The following PIEZO1 variants were observed in gnomAD, a reference collection of about 807,000 sequenced individuals.
PIEZO1 encodes piezo type mechanosensitive ion channel component 1 (Er blood group), also known as piezo-type mechanosensitive ion channel component 1.
A neutral mutation model predicts 297.2 loss-of-function variants in PIEZO1; 296 were observed. The ratio of observed to expected loss-of-function variants is 1.00; its 90% CI spans 0.91 to 1.10. The LOEUF is 1.10. Ranked by LOEUF, PIEZO1 falls within the 50% of genes least tolerant of loss-of-function variation. The pLI is 0.00. For synonymous variants in PIEZO1, 2,427 were observed against 1,507.5 expected (o/e 1.61, Z -14.13); for missense variants, 5,018 against 3,455.5 (o/e 1.45, Z -11.34).
At chr16:88,774,771 C>T (rs546975013) in intron 1 of PIEZO1, among the ~76,000 whole-genome samples, 3 of 152,286 alleles carry the variant, frequency 2.0e-5, no homozygotes, top group Non-Finnish European at 2.9e-5. Context: ...TGCAGGATTC[C>T]GCAAAAACAG....
Position 88,743,755 on chromosome 16 carries a change from G to A in PIEZO1, c.161-1333C>T, listed in dbSNP as rs572798497. The A allele has an allele frequency of 2.9e-5, 12 of 413,242 alleles. No individual in the cohort carries two copies. In the East Asian group the frequency reaches 3.6e-4, roughly 12 times the overall value. 25.6% of individuals were successfully genotyped at this position (413,242 alleles called of 1,614,324 possible). A position where few individuals can be genotyped will look rare whatever the true frequency, so the allele number is the denominator to read the frequency against. On this transcript the variant is annotated intron_variant, in intron 2 of 50. Coordinates refer to ENST00000301015, the MANE Select transcript of PIEZO1 (RefSeq NM_001142864.4). ...CACGGATGCCCAGGACTCCCTGTCC[G>A]CACCACCAGGCAGCCGAGGCAGGTT...
At chr16:88,724,078 A>C (rs1465856030) in intron 30 of PIEZO1, 107 bp from the exon 31 acceptor site, 14 of 686,312 alleles carry the variant, frequency 2.0e-5, no homozygotes, top group Non-Finnish European at 3.6e-5. Flanking sequence ...TCCCATGCGG[A>C]GTAGCCGGGA....
rs1904304494 is a variant in PIEZO1 at position 88,723,921 on chromosome 16, C to T, written c.4285G>A (p.Glu1429Lys). 1 of 1,549,890 alleles carries T rather than the reference C, an allele frequency of 6.5e-7. No homozygotes were observed. Among genetic ancestry groups the T allele is most frequent in the Non-Finnish European group, 8.7e-7 (1 of 1,146,440 alleles). ...CTCGGGTCTTCAGGAACAGCCTCCT[C>T]CTCTTCCTCACTGTCGGACTCAAAC... Reference protein sequence around the residue: ...FLFESDSEEEEEAVPEDPRPS... With the variant: ...FLFESDSEEEKEAVPEDPRPS... Residue 1429 changes from glutamate (E) to lysine (K), a missense_variant, in exon 31 of 51, where the codon GAG becomes AAG. By Grantham distance (56) the Glu-to-Lys change is moderately conservative. Coordinates refer to ENST00000301015, the MANE Select transcript of PIEZO1 (RefSeq NM_001142864.4).
Position 88,721,825 on chromosome 16 carries a change from C to T in PIEZO1, c.5197G>A (p.Ala1733Thr), listed in dbSNP as rs1376115672. ...CGGCCCACCTCGGTGAAGACGATGG[C>T]CGTCATCCAGAAGCGCTTGCTGGGC... ...PRPSKRFWMT[A>T]IVFTEIAVVV... is the part of the protein sequence containing the mutation. The change falls in exon 37 of 51, where the codon GCC becomes ACC. Residue 1733 changes from alanine to threonine, a missense_variant. Ala to Thr is a moderately conservative substitution (Grantham distance 58). Transcript: ENST00000301015. 1 of 1,547,042 alleles carries T rather than the reference C, an allele frequency of 6.5e-7. No homozygotes were observed. Among genetic ancestry groups the T allele is most frequent in the Non-Finnish European group, 8.7e-7 (1 of 1,146,290 alleles).
At chr16:88,777,933 GGCAGGCGGCCTCCGCAAACCT>G (rs1224484569) in intron 1 of PIEZO1, among the ~76,000 whole-genome samples, 1 of 152,238 alleles carries the variant, frequency 6.6e-6, no homozygotes, top group Non-Finnish European at 1.5e-5. Context: ...GCCCCTCCTG[GGCAGGCGGCCTCCGCAAACCT>G]GCGTCTGTCC....
At position 88,757,330 on chromosome 16, in the gene PIEZO1, G is replaced by C. The variant is rs1281685484; in HGVS notation, c.65-7851C>G. On this transcript the variant is annotated intron_variant, in intron 1 of 50. Transcript: ENST00000301015. Reference sequence around the variant, plus strand: ...GGGGGCGTTGCTGGCGGGGGGGTGGGGGGTAGTTACCTAACCTGCCTGCTT... The same window carrying C: ...GGGGGCGTTGCTGGCGGGGGGGTGGCGGGTAGTTACCTAACCTGCCTGCTT... 2.4e-4 allele frequency among the ~76,000 whole-genome samples: 29 copies of C among 121,192 alleles called. 1 individual carries two copies. Among genetic ancestry groups the C allele is most frequent in the African/African-American group, 7.6e-4 (20 of 26,254 alleles). The allele number at this position is 121,192 out of a possible 152,430, so 79.5% of individuals were successfully genotyped here.
At chr16:88,779,643 G>C (rs184823956) in intron 1 of PIEZO1, among the ~76,000 whole-genome samples, 7 of 152,322 alleles carry the variant, frequency 4.6e-5, no homozygotes, top group Non-Finnish European at 8.8e-5. Context: ...TCTGCAGTGG[G>C]ATGGGCTGGG....
In PIEZO1 at chr16:88,716,272, A is replaced by G; in HGVS notation, c.7055T>C (p.Ile2352Thr). The stretch of plus-strand genomic sequence containing the variant: ...GATGTACTTGGGGAAGAGATTAGGG[A>G]TGACCCTGCAGGGAGGTGCTGGCAG... ...LEGTSDQSVV[I>T]PNLFPKYIRA... is the part of the protein sequence containing the mutation. The change falls in exon 49 of 51, where the codon ATC becomes ACC. Residue 2352 changes from isoleucine to threonine, a missense_variant. Ile to Thr is a moderately conservative substitution (Grantham distance 89). Transcript: ENST00000301015. 2 of 1,490,754 alleles carry G rather than the reference A, an allele frequency of 1.3e-6. No individual in the cohort carries two copies. Among genetic ancestry groups the G allele is most frequent in the Non-Finnish European group, 9.0e-7 (1 of 1,115,308 alleles). The allele number at this position is 1,490,754 out of a possible 1,614,324, so 92.3% of individuals were successfully genotyped here. A position where few individuals can be genotyped will look rare whatever the true frequency, so the allele number is the denominator to read the frequency against.
At position 88,736,346 on chromosome 16, in the gene PIEZO1, G is replaced by C. The variant is rs770649584; in HGVS notation, c.1359C>G (p.Ile453Met). The C allele has an allele frequency of 6.5e-7, 1 of 1,550,012 alleles. No homozygotes were observed. Among genetic ancestry groups the C allele is most frequent in the African/African-American group, 1.4e-5 (1 of 73,046 alleles). Residue 453 changes from isoleucine to methionine, a missense_variant, in exon 12 of 51, where the codon ATC becomes ATG. Ile to Met is a conservative substitution (Grantham distance 10). Transcript: ENST00000301015. ...TFVLLLWACLIWTVRSRHQLA... is the reference protein window; with the variant it reads ...TFVLLLWACLMWTVRSRHQLA... ...GTTGGTGGCGGCTGCGCACCGTCCA[G>C]ATGAGGCAGGCCCAGAGCAGCAGTA...
chr16:88,728,083 G>A (rs947923839), intron 22 of PIEZO1, among the ~76,000 whole-genome samples: 13 of 152,260 alleles, frequency 8.5e-5, no homozygotes, highest in African/African-American at 1.4e-4. Context: ...ACGTGGGACC[G>A]GGATCCATGC....
chr16:88,726,206 G>GAGAC, intron 27 of PIEZO1, 78 bp downstream of exon 27: 1 of 1,273,860 alleles, frequency 7.9e-7, no homozygotes, highest in Non-Finnish European at 1.1e-6. Context: ...GCCGGGGCCT[G>GAGAC]AGACAGTGAG....
intron 21 of PIEZO1, 44 bp downstream of exon 21, chr16:88,732,291 A>C (rs1279581009): frequency 1.5e-5 from 22 of 1,506,862 alleles, no homozygotes; most frequent in Non-Finnish European, 2.0e-5. Context: ...CTCCCTCCCG[A>C]AGGCCAAGCC....
chr16:88,740,905 G>C (rs954277102), intron 5 of PIEZO1: 2 of 152,378 alleles, frequency 1.3e-5, no homozygotes, highest in Non-Finnish European at 2.9e-5. Context: ...GGGTGTCGCA[G>C]GCCCCAGCTC....
At chr16:88,727,403 CGT>C (rs1567666997) in intron 23 of PIEZO1, among the ~76,000 whole-genome samples, 152 bp downstream of exon 23, 35 of 149,340 alleles carry the variant, frequency 2.3e-4, no homozygotes, top group African/African-American at 8.8e-4. Context: ...CTGAGGTCTG[CGT>C]GCGTGCGTGC....
rs1451207119 is a variant in PIEZO1, at chr16:88,738,411, C to T, written c.664G>A (p.Val222Ile). The change falls in exon 7 of 51, where the codon GTC becomes ATC. Residue 222 changes from valine (V) to isoleucine (I), a missense_variant. Physicochemically the swap from Val to Ile is conservative, Grantham distance 29. Transcript: ENST00000301015. ...GIAHPSALSS[V>I]YLLLFLALCT... ...AGGGCCAGGAAGAGCAGCAGGTAGACACTGGAGAGGGCCGAGGGGTGGGCG... is the reference window on the plus strand; with the variant it reads ...AGGGCCAGGAAGAGCAGCAGGTAGATACTGGAGAGGGCCGAGGGGTGGGCG... 5 of 1,535,846 alleles carry T rather than the reference C, an allele frequency of 3.3e-6. No individual in the cohort carries two copies. Among genetic ancestry groups the T allele is most frequent in the South Asian group, 2.4e-5 (2 of 84,066 alleles).
In PIEZO1 at chr16:88,726,946, G is replaced by A; in HGVS notation, c.3468C>T (p.Asp1156=). The change falls in exon 25 of 51, where the codon GAC becomes GAT. Residue 1156 remains aspartate, a synonymous_variant. Coordinates refer to ENST00000301015, the MANE Select transcript of PIEZO1 (RefSeq NM_001142864.4). ...PNFIHCRSYL[D]MLKVAVFRYL... ...ATCGGAAGACGGCCACCTTCAGCAT[G>A]TCAAGGTAGGACCTGCCAGGCCGGA... 6.4e-7 allele frequency: 1 copy of A among 1,550,456 alleles called. No individual in the cohort carries two copies. Among genetic ancestry groups the A allele is most frequent in the Non-Finnish European group, 8.7e-7 (1 of 1,146,926 alleles).
At chr16:88,765,971 C>G (rs1907158840) in intron 1 of PIEZO1, among the ~76,000 whole-genome samples, 1 of 152,152 alleles carries the variant, frequency 6.6e-6, no homozygotes, top group Non-Finnish European at 1.5e-5. Flanking sequence ...CTGCACCCGG[C>G]CGCTATCTCC....
rs746127858 is a variant in PIEZO1 at position 88,736,734 on chromosome 16, G to A, written c.1201C>T (p.Pro401Ser). The change falls in exon 11 of 51, where the codon CCC becomes TCC. Residue 401 changes from proline to serine, a missense_variant. Physicochemically the swap from Pro to Ser is moderately conservative, Grantham distance 74. Transcript: ENST00000301015. ...GCCTCCCTGGGCTCAGCCCGCTTGGGCCGCACTGCAGGTGGGGACAGCGGT... is the reference window on the plus strand; with the variant it reads ...GCCTCCCTGGGCTCAGCCCGCTTGGACCGCACTGCAGGTGGGGACAGCGGT... ...QSSVLRRPVR[P>S]KRAEPREASP... The A allele has an allele frequency of 2.8e-5, 42 of 1,526,928 alleles. No individual in the cohort carries two copies. The highest frequency in any genetic ancestry group is 3.7e-4 in the Middle Eastern group (2 of 5,344). The allele number at this position is 1,526,928 out of a possible 1,614,324, so 94.6% of individuals were successfully genotyped here.
chr16:88,742,500 G>GC, intron 2 of PIEZO1, 78 bp from the exon 3 acceptor site: 1 of 1,455,110 alleles, frequency 6.9e-7, no homozygotes. Flanking sequence ...CCGGACAATA[G>GC]CCCCCAGCCC....
Sources: allele counts gnomAD v4.1 joint callset (sites outside exome capture counted in the v4.1 genomes callset), GRCh38; gene constraint gnomAD v4.1.1; transcripts MANE v1.5; gene names NCBI Gene and HGNC (gene_info 2026-07-23, HGNC 2026-07-21).